The following ENPP6 variants were observed in gnomAD, a reference collection of about 807,000 sequenced individuals.
The protein encoded by ENPP6 is glycerophosphocholine cholinephosphodiesterase ENPP6.
ENPP6 carries 32 observed loss-of-function variants against 42.0 expected under a neutral mutation model. That is an observed-to-expected ratio of 0.76 (90% CI 0.58 to 1.02). ENPP6 has a LOEUF of 1.02. ENPP6 is among the 50% of genes least tolerant of loss of function. The pLI, the probability that ENPP6 is intolerant of heterozygous loss-of-function variation, is 0.00. For missense variants in ENPP6, 552 were observed against 566.8 expected (o/e 0.97, Z 0.27); for synonymous variants, 213 against 216.0 (o/e 0.99, Z 0.12).
At chr4:184,215,956 A>G (rs531758898) in intron 1 of ENPP6, among the ~76,000 whole-genome samples, 88 of 151,682 alleles carry the variant, frequency 5.8e-4, no homozygotes, top group Non-Finnish European at 1.1e-3. Flanking sequence ...GACAAACAAA[A>G]GGCCATGTCA....
intron 1 of ENPP6, among the ~76,000 whole-genome samples, chr4:184,214,508 C>T (rs1017328028): frequency 5.3e-5 from 8 of 152,092 alleles, no homozygotes; most frequent in South Asian, 2.1e-4. Context: ...ACTTTCTACA[C>T]GAAGGCCTCC....
At chr4:184,124,312 T>A (rs1269121664) in intron 2 of ENPP6, 40 bp from the exon 3 acceptor site, 3 of 1,478,966 alleles carry the variant, frequency 2.0e-6, no homozygotes, top group Non-Finnish European at 2.8e-6. Flanking sequence ...CTCTCTTCAA[T>A]AAGTAATGTC....
At chr4:184,215,749 C>T (rs1046063792) in intron 1 of ENPP6, among the ~76,000 whole-genome samples, 1 of 152,192 alleles carries the variant, frequency 6.6e-6, no homozygotes, top group Non-Finnish European at 1.5e-5. Context: ...GTGGCTTCCT[C>T]GGGCCAGCCT....
chr4:184,113,899 T>TTTCCTTTCTTTC (rs1409161618), intron 5 of ENPP6, among the ~76,000 whole-genome samples: 2 of 103,626 alleles, frequency 1.9e-5, no homozygotes, highest in East Asian at 2.7e-4. Context: ...CCTTTCTTTC[T>TTTCCTTTCTTTC]TTTCTTTCTT....
intron 1 of ENPP6, among the ~76,000 whole-genome samples, chr4:184,203,178 G>A (rs980708131): frequency 2.6e-5 from 4 of 152,176 alleles, no homozygotes; most frequent in Non-Finnish European, 5.9e-5. Context: ...TTGAACCAGG[G>A]AAGCGGAGGT....
At chr4:184,210,047 G>C (rs1198174365) in intron 1 of ENPP6, among the ~76,000 whole-genome samples, 1 of 150,872 alleles carries the variant, frequency 6.6e-6, no homozygotes, top group Non-Finnish European at 1.5e-5. Context: ...GAGAGATTTT[G>C]TCACCACCAG....
At chr4:184,162,637 G>C (rs1382035747) in intron 1 of ENPP6, among the ~76,000 whole-genome samples, 2 of 152,058 alleles carry the variant, frequency 1.3e-5, no homozygotes, top group East Asian at 1.9e-4. Flanking sequence ...CAAGACAGAG[G>C]GCTTCCTATT....
intron 1 of ENPP6, among the ~76,000 whole-genome samples, chr4:184,195,772 C>T (rs916602910): frequency 1.3e-5 from 2 of 152,220 alleles, no homozygotes; most frequent in African/African-American, 4.8e-5. Context: ...TAAATAAAAA[C>T]TGAGAAATGC....
intron 6 of ENPP6, 57 bp from the exon 7 acceptor site, chr4:184,097,425 G>A (rs910465932): frequency 3.8e-6 from 6 of 1,599,972 alleles, no homozygotes; most frequent in Non-Finnish European, 4.3e-6. Context: ...CGCTGAGCGG[G>A]CATCTGCTCC....
intron 1 of ENPP6, among the ~76,000 whole-genome samples, chr4:184,173,235 C>G (rs1039778628): frequency 1.3e-5 from 2 of 152,088 alleles, no homozygotes; most frequent in Admixed American, 6.6e-5. Context: ...TTCATTGGAG[C>G]CTTGGACCCA....
chr4:184,107,907 T>A (rs1736129456), intron 6 of ENPP6, among the ~76,000 whole-genome samples: 1 of 144,706 alleles, frequency 6.9e-6, no homozygotes. Flanking sequence ...AGAGCAAGAC[T>A]CAGTCTCAAT....
At chr4:184,098,243 G>A (rs1579606015) in intron 6 of ENPP6, among the ~76,000 whole-genome samples, 1 of 152,320 alleles carries the variant, frequency 6.6e-6, no homozygotes, top group African/African-American at 2.4e-5. Flanking sequence ...TGGGGACCTG[G>A]GACTTGTGGC....
chr4:184,118,874 C>T lies in ENPP6; in HGVS notation c.534-974G>A, dbSNP rs544932245. 3.9e-5 allele frequency among the ~76,000 whole-genome samples: 6 copies of T among 152,352 alleles called. 1 individual carries two copies. The East Asian group carries it at 9.6e-4, about 24-fold the overall frequency. ...GGACATGTGGCCCCCAGCACAGTCA[C>T]CTGAGAGCTGCAAGGGGTTCCTAGC... On this transcript the variant is annotated intron_variant, in intron 3 of 7. Coordinates refer to ENST00000296741, the MANE Select transcript of ENPP6 (RefSeq NM_153343.4).
chr4:184,099,513 T>C (rs1735965261), intron 6 of ENPP6, among the ~76,000 whole-genome samples: 1 of 152,216 alleles, frequency 6.6e-6, no homozygotes, highest in Admixed American at 6.5e-5. Context: ...GGTCCGCAGA[T>C]GCCCCTGGCC....
intron 6 of ENPP6, among the ~76,000 whole-genome samples, chr4:184,099,694 G>A (rs994841867): frequency 2.0e-5 from 3 of 152,114 alleles, no homozygotes; most frequent in East Asian, 1.9e-4. Context: ...TGAGTTTCCC[G>A]CATCCCTCGT....
intron 1 of ENPP6, among the ~76,000 whole-genome samples, chr4:184,216,122 T>G (rs1476428330): frequency 1.3e-5 from 2 of 152,258 alleles, no homozygotes; most frequent in East Asian, 3.9e-4. Context: ...GAAAGACAGC[T>G]GGAGTGGGGG....
chr4:184,112,968 G>A (rs1352471714), intron 5 of ENPP6, among the ~76,000 whole-genome samples, 159 bp from the exon 6 acceptor site: 1 of 152,184 alleles, frequency 6.6e-6, no homozygotes, highest in Non-Finnish European at 1.5e-5. Context: ...ACTTTTGTCT[G>A]TCTCAAAAAG....
chr4:184,122,416 C>CCACCACCAT (rs893625626), intron 3 of ENPP6, among the ~76,000 whole-genome samples: 5 of 150,078 alleles, frequency 3.3e-5, no homozygotes, highest in Non-Finnish European at 5.9e-5. Context: ...ACCACCACCA[C>CCACCACCAT]CACCACCACC....
chr4:184,156,919 T>A (rs374226334), intron 1 of ENPP6, among the ~76,000 whole-genome samples: 2 of 152,222 alleles, frequency 1.3e-5, no homozygotes, highest in East Asian at 1.9e-4. Context: ...GGCCTTCACA[T>A]CTCACGAGAA....
Sources: allele counts gnomAD v4.1 joint callset (sites outside exome capture counted in the v4.1 genomes callset), GRCh38; gene constraint gnomAD v4.1.1; transcripts MANE v1.5; gene names NCBI Gene and HGNC (gene_info 2026-07-23, HGNC 2026-07-21).